Variants in STARD13 observed in about 807,000 individuals in gnomAD.
The protein encoded by STARD13 is StAR related lipid transfer domain containing 13.
STARD13 carries 62 observed loss-of-function variants against 106.4 expected under a neutral mutation model. That is an observed-to-expected ratio of 0.58 (90% confidence interval 0.48 to 0.72). The LOEUF (loss-of-function observed/expected upper bound fraction) is 0.72, where lower values mean the gene tolerates loss of function less well. Ranked by LOEUF, STARD13 falls within the 30% of genes least tolerant of loss-of-function variation. The probability of loss-of-function intolerance (pLI) is 0.00; values close to 1 mark genes in which losing one functional copy is unlikely to be tolerated. For synonymous variants in STARD13, 565 were observed against 553.0 expected, an observed-to-expected ratio of 1.02 and a Z score of -0.31; for missense variants, 1,387 against 1,424.0, an observed-to-expected ratio of 0.97 and a Z score of 0.42.
intron 3 of STARD13, among the ~76,000 whole-genome samples, chr13:33,152,397 C>A (rs1390707944): frequency 6.8e-6 from 1 of 147,044 alleles, no homozygotes; most frequent in Admixed American, 6.8e-5. Context: ...TACCTGCTAA[C>A]CCCGAGGCTT....
intron 1 of STARD13, among the ~76,000 whole-genome samples, chr13:33,293,583 G>A (rs944293382): frequency 6.6e-6 from 1 of 152,148 alleles, no homozygotes; most frequent in Non-Finnish European, 1.5e-5. Context: ...CTGGATTTAA[G>A]GATACAAAAT....
intron 3 of STARD13, among the ~76,000 whole-genome samples, chr13:33,151,995 G>A (rs779138153): frequency 6.6e-6 from 1 of 152,088 alleles, no homozygotes; most frequent in African/African-American, 2.4e-5. Context: ...TAGGGAAGTT[G>A]ACAGGGAGCT....
the STARD13 span, among the ~76,000 whole-genome samples, chr13:33,389,726 G>A: frequency 4.6e-5 from 7 of 151,810 alleles, no homozygotes; most frequent in African/African-American, 1.7e-4. Flanking sequence ...TATATTACAT[G>A]GTCATATAAT....
chr13:33,493,593 A>T, the STARD13 span, among the ~76,000 whole-genome samples: 86 of 152,234 alleles, frequency 5.6e-4, no homozygotes, highest in South Asian at 1.0e-3. Context: ...AAGAGAGAAA[A>T]CTGTGGGGGT....
In STARD13 at chr13:33,253,919, A is replaced by G. The variant is rs2138295842; in HGVS notation, c.169+31551T>C. ...ATGAAGGTTTTTCAACAGGCCTGCC[A>G]CAGACCATGGGGGAACACCCTGTCC... On this transcript the variant is annotated intron_variant, in intron 1 of 13. Transcript: ENST00000336934. 1.3e-5 allele frequency among the ~76,000 whole-genome samples: 2 copies of G among 152,372 alleles called. 1 individual carries two copies. The highest frequency in any genetic ancestry group is 4.1e-4 in the South Asian group (2 of 4,828).
chr13:33,218,830 AAGAC>A (rs1455836923), intron 1 of STARD13, among the ~76,000 whole-genome samples: 1 of 152,232 alleles, frequency 6.6e-6, no homozygotes, highest in African/African-American at 2.4e-5. Flanking sequence ...TGATATTAAA[AAGAC>A]AGGGAAGGAT....
At chr13:33,514,566 A>C in the STARD13 span, among the ~76,000 whole-genome samples, 1 of 152,080 alleles carries the variant, frequency 6.6e-6, no homozygotes, top group Admixed American at 6.6e-5. Context: ...GCAGTGTTTA[A>C]CAGTAGGTGC....
chr13:33,437,527 T>C, the STARD13 span, among the ~76,000 whole-genome samples: 400 of 152,320 alleles, frequency 2.6e-3, 1 homozygote, highest in African/African-American at 9.3e-3. Flanking sequence ...GAAGCAATGA[T>C]GGAAAGCCAA....
the STARD13 span, among the ~76,000 whole-genome samples, chr13:33,613,562 C>T: frequency 2.6e-5 from 4 of 152,138 alleles, no homozygotes; most frequent in African/African-American, 9.7e-5. Context: ...CCTGGCTTAG[C>T]CAAGCACCCA....
chr13:33,203,259 T>C (rs1887180861), intron 1 of STARD13, among the ~76,000 whole-genome samples: 1 of 145,446 alleles, frequency 6.9e-6, no homozygotes, highest in Admixed American at 6.8e-5. Flanking sequence ...TCTGATGTCC[T>C]TTGCAGTACA....
the STARD13 span, among the ~76,000 whole-genome samples, chr13:33,406,084 A>C: frequency 6.6e-6 from 1 of 152,216 alleles, no homozygotes; most frequent in African/African-American, 2.4e-5. Context: ...AGTGGCATGA[A>C]GATGACATTC....
chr13:33,650,247 G>A, the STARD13 span, among the ~76,000 whole-genome samples: 9 of 126,810 alleles, frequency 7.1e-5, no homozygotes, highest in South Asian at 2.5e-4. Flanking sequence ...CTGGAGTGCA[G>A]TGGCGCGATC....
exon 1 of STARD13, chr13:33,350,402 T>C (rs1213712943): frequency 2.0e-6 from 3 of 1,533,138 alleles, no homozygotes; most frequent in Middle Eastern, 1.7e-4. Context: ...AAGGTTTCCG[T>C]TTGCTGGTCA....
At chr13:33,131,481 C>G (rs1246328334) in intron 4 of STARD13, among the ~76,000 whole-genome samples, 1 of 151,566 alleles carries the variant, frequency 6.6e-6, no homozygotes, top group African/African-American at 2.4e-5. Flanking sequence ...AGCCTCCACT[C>G]TCAGTTGTTA....
intron 4 of STARD13, among the ~76,000 whole-genome samples, chr13:33,133,731 A>G (rs994382441): frequency 2.6e-5 from 4 of 151,564 alleles, no homozygotes; most frequent in African/African-American, 9.7e-5. Flanking sequence ...AGTTTAGCCT[A>G]TTTTATTTTT....
At chr13:33,200,313 T>C (rs1344066345) in intron 1 of STARD13, among the ~76,000 whole-genome samples, 1 of 152,190 alleles carries the variant, frequency 6.6e-6, no homozygotes, top group African/African-American at 2.4e-5. Context: ...CAAGCTCAGG[T>C]AAATGACCTA....
chr13:33,409,931 T>G, the STARD13 span, among the ~76,000 whole-genome samples: 3 of 152,240 alleles, frequency 2.0e-5, no homozygotes, highest in Non-Finnish European at 4.4e-5. Flanking sequence ...GTCACAGCTT[T>G]TCCCAGCACA....
At chr13:33,251,435 A>G (rs1890091941) in intron 1 of STARD13, among the ~76,000 whole-genome samples, 1 of 152,212 alleles carries the variant, frequency 6.6e-6, no homozygotes, top group Non-Finnish European at 1.5e-5. Flanking sequence ...CCAGGTTAGG[A>G]TGATTCATTC....
chr13:33,355,035 T>C (rs916418054), upstream of STARD13, among the ~76,000 whole-genome samples: 1 of 152,200 alleles, frequency 6.6e-6, no homozygotes, highest in Non-Finnish European at 1.5e-5. Context: ...TTCTGTGGGA[T>C]AAACACACTA....
Sources: gnomAD v4.1 joint callset for allele counts (sites outside exome capture counted in the v4.1 genomes callset) on GRCh38, gnomAD v4.1.1 for gene constraint, MANE v1.5 for transcripts, NCBI Gene and HGNC (gene_info 2026-07-23, HGNC 2026-07-21) for gene names.